HMGB1: variants seen among roughly 807,000 people sequenced by gnomAD.
The protein encoded by HMGB1 is high mobility group protein B1.
For synonymous variants in HMGB1, 81 were observed against 84.0 expected, an observed-to-expected ratio of 0.96 and a Z score of 0.19; for missense variants, 79 against 253.5, an observed-to-expected ratio of 0.31 and a Z score of 4.67.
chr13:30,597,248 A>G (rs1468251073), intron 1 of HMGB1, among the ~76,000 whole-genome samples: 1 of 152,204 alleles, frequency 6.6e-6, no homozygotes, highest in Non-Finnish European at 1.5e-5. Context: ...TTGGATACAG[A>G]TACACACAAA....
intron 1 of HMGB1, chr13:30,554,306 G>A: frequency 9.2e-7 from 1 of 1,082,032 alleles, no homozygotes; most frequent in Non-Finnish European, 1.4e-6. Flanking sequence ...TGGGCCTGCA[G>A]TGATCCATTG....
At chr13:30,593,458 T>G (rs1266569198) in intron 1 of HMGB1, among the ~76,000 whole-genome samples, 1 of 152,158 alleles carries the variant, frequency 6.6e-6, no homozygotes, top group Non-Finnish European at 1.5e-5. Context: ...GGAGCCCGAG[T>G]TCATGATGAA....
At chr13:30,516,537 C>T (rs1226319431) in intron 1 of HMGB1, among the ~76,000 whole-genome samples, 1 of 152,074 alleles carries the variant, frequency 6.6e-6, no homozygotes, top group Admixed American at 6.6e-5. Flanking sequence ...GTTTTGTCAT[C>T]TAATACTTTA....
chr13:30,505,895 T>C (rs148493512), intron 1 of HMGB1, among the ~76,000 whole-genome samples: 3 of 152,230 alleles, frequency 2.0e-5, no homozygotes, highest in African/African-American at 7.2e-5. Flanking sequence ...TTTTGTTTTT[T>C]TGTATTTTTA....
intron 1 of HMGB1, among the ~76,000 whole-genome samples, chr13:30,556,756 ACGAGAG>A (rs1869708914): frequency 6.6e-6 from 1 of 152,252 alleles, no homozygotes; most frequent in Non-Finnish European, 1.5e-5. Context: ...AGAGGCTGGG[ACGAGAG>A]TGACAGAGAG....
chr13:30,464,689 G>T (rs1312935940), intron 1 of HMGB1: 75 of 955,726 alleles, frequency 7.8e-5, no homozygotes, highest in Non-Finnish European at 8.8e-5. Context: ...CGGAATGGCC[G>T]CTGCGCGTCT....
intron 1 of HMGB1, among the ~76,000 whole-genome samples, chr13:30,491,688 T>G (rs985340063): frequency 4.1e-5 from 6 of 146,966 alleles, no homozygotes; most frequent in Non-Finnish European, 1.5e-5. Context: ...AAAAAAGAAA[T>G]AAACTTTGAC....
chr13:30,466,042 G>C, upstream of HMGB1: 1 of 717,042 alleles, frequency 1.4e-6, no homozygotes, highest in Non-Finnish European at 1.7e-6. Context: ...GCTATTGGCT[G>C]TCTCCGGGGA....
intron 1 of HMGB1, among the ~76,000 whole-genome samples, chr13:30,562,819 A>C (rs1374014526): frequency 6.6e-6 from 1 of 152,206 alleles, no homozygotes; most frequent in Non-Finnish European, 1.5e-5. Flanking sequence ...ATAACTAGCC[A>C]ATCAGGGGGA....
chr13:30,573,267 T>C (rs1369440356), intron 1 of HMGB1, among the ~76,000 whole-genome samples: 1 of 152,216 alleles, frequency 6.6e-6, no homozygotes, highest in Non-Finnish European at 1.5e-5. Context: ...TCTGTAGAGA[T>C]AAGGACAAAT....
At chr13:30,472,484 C>T (rs1403917879) in intron 1 of HMGB1, among the ~76,000 whole-genome samples, 3 of 152,130 alleles carry the variant, frequency 2.0e-5, no homozygotes, top group African/African-American at 7.2e-5. Flanking sequence ...ACCTGTACTC[C>T]CAGCTACTCC....
chr13:30,569,893 T>C (rs1870354875), intron 1 of HMGB1, among the ~76,000 whole-genome samples: 1 of 152,240 alleles, frequency 6.6e-6, no homozygotes, highest in African/African-American at 2.4e-5. Flanking sequence ...CTAGAGGTCG[T>C]GCATTTTATC....
At chr13:30,564,446 A>G (rs1471149504) in intron 1 of HMGB1, among the ~76,000 whole-genome samples, 1 of 152,180 alleles carries the variant, frequency 6.6e-6, no homozygotes, top group East Asian at 1.9e-4. Context: ...AGCCTGGGCA[A>G]CAGAGAGAGA....
At chr13:30,531,790 G>A (rs1452380465) in intron 1 of HMGB1, among the ~76,000 whole-genome samples, 9 of 151,474 alleles carry the variant, frequency 5.9e-5, no homozygotes, top group African/African-American at 1.9e-4. Flanking sequence ...CCAACTACTC[G>A]GGAGGCTGAA....
chr13:30,496,236 A>C (rs1169964610), intron 1 of HMGB1, among the ~76,000 whole-genome samples: 4 of 152,184 alleles, frequency 2.6e-5, no homozygotes, highest in Non-Finnish European at 5.9e-5. Flanking sequence ...CTATTTATTC[A>C]ATGTTTCTTG....
intron 1 of HMGB1, among the ~76,000 whole-genome samples, chr13:30,580,450 C>A (rs918824386): frequency 6.6e-6 from 1 of 152,184 alleles, no homozygotes; most frequent in East Asian, 1.9e-4. Flanking sequence ...AGTTAGACAT[C>A]AGCTATGGCT....
intron 1 of HMGB1, among the ~76,000 whole-genome samples, chr13:30,560,480 C>G (rs1290174211): frequency 1.3e-5 from 2 of 152,130 alleles, no homozygotes; most frequent in African/African-American, 4.8e-5. Context: ...TTTCAAGAAG[C>G]TCAAATCTGA....
Position 30,564,156 on chromosome 13 carries a change from C to T in HMGB1, c.-15+52515G>A, listed in dbSNP as rs116196677. On this transcript the variant is annotated intron_variant, in intron 1 of 4. Transcript: ENST00000405805. ...TGATTAAGAAACTAACCATGAGCCA[C>T]GTGCAGTGGCTCATGCCTGTAATCC... is the stretch of plus-strand genomic sequence containing the variant. 1.6e-4 allele frequency among the ~76,000 whole-genome samples: 25 copies of T among 151,568 alleles called. No homozygotes were observed. The East Asian group carries it at 4.3e-3, about 26-fold the overall frequency.
intron 1 of HMGB1, among the ~76,000 whole-genome samples, chr13:30,538,825 C>CTTTTT (rs1027358219): frequency 1.5e-5 from 2 of 135,098 alleles, no homozygotes; most frequent in Non-Finnish European, 3.2e-5. Flanking sequence ...CCCTTTCTTT[C>CTTTTT]TTTTTTCTTT....
Sources: gnomAD v4.1 joint callset for allele counts (sites outside exome capture counted in the v4.1 genomes callset) on GRCh38, gnomAD v4.1.1 for gene constraint, MANE v1.5 for transcripts, NCBI Gene and HGNC (gene_info 2026-07-23, HGNC 2026-07-21) for gene names.